Variants in ULK4 observed in about 807,000 individuals in gnomAD.
ULK4 encodes the protein inactive serine/threonine-protein kinase ULK4.
ULK4 carries 133 observed loss-of-function variants against 160.6 expected under a neutral mutation model. That is an observed-to-expected ratio of 0.83 (90% CI 0.72 to 0.96). ULK4 has a LOEUF of 0.96. ULK4 is among the 40% of genes least tolerant of loss of function. The pLI is 0.00. For missense variants in ULK4, 1,580 were observed against 1,499.5 expected (o/e 1.05, Z -0.89); for synonymous variants, 534 against 539.8 (o/e 0.99, Z 0.15).
At chr3:41,365,607 CA>C (rs1257352971) in intron 35 of ULK4, among the ~76,000 whole-genome samples, 1 of 152,102 alleles carries the variant, frequency 6.6e-6, no homozygotes, top group African/African-American at 2.4e-5. Context: ...GTAGAAATAT[CA>C]TTATGTCTAG....
intron 1 of ULK4, chr3:41,955,909 A>C (rs1418535256): frequency 1.3e-5 from 2 of 152,222 alleles, no homozygotes; most frequent in African/African-American, 2.4e-5. Context: ...TTACAATGGA[A>C]ACCTGGTACA....
intron 35 of ULK4, among the ~76,000 whole-genome samples, chr3:41,345,813 A>G (rs770657056): frequency 1.1e-4 from 17 of 152,308 alleles, no homozygotes; most frequent in Non-Finnish European, 2.2e-4. Flanking sequence ...AAATTAAAAA[A>G]TGTACAAAAC....
At chr3:41,711,040 G>A (rs972559806) in intron 25 of ULK4, among the ~76,000 whole-genome samples, 1 of 150,098 alleles carries the variant, frequency 6.7e-6, no homozygotes, top group Non-Finnish European at 1.5e-5. Context: ...ATGGGAGCAG[G>A]CAGCTGATGG....
At chr3:41,512,910 T>C (rs1026160498) in intron 32 of ULK4, among the ~76,000 whole-genome samples, 3 of 152,200 alleles carry the variant, frequency 2.0e-5, no homozygotes, top group Non-Finnish European at 4.4e-5. Flanking sequence ...AACAGCATGG[T>C]ACTAGTATAA....
intron 31 of ULK4, among the ~76,000 whole-genome samples, chr3:41,582,457 A>T (rs1217321171): frequency 6.6e-6 from 1 of 152,192 alleles, no homozygotes. Flanking sequence ...GTCATTATAA[A>T]TCAGAGATAT....
chr3:41,656,340 A>C (rs1022961317), intron 30 of ULK4, among the ~76,000 whole-genome samples: 5 of 152,140 alleles, frequency 3.3e-5, no homozygotes, highest in South Asian at 2.1e-4. Context: ...GGTACAGATA[A>C]ATGAAGTAAC....
chr3:41,748,007 C>T (rs1370283485), intron 22 of ULK4, among the ~76,000 whole-genome samples: 41 of 151,828 alleles, frequency 2.7e-4, no homozygotes, highest in Admixed American at 2.6e-3. Flanking sequence ...TAAGTTTATC[C>T]TAACATTTTT....
chr3:41,896,722 GT>G (rs1698171562), intron 15 of ULK4, 99 bp downstream of exon 15: 2 of 1,342,086 alleles, frequency 1.5e-6, no homozygotes, highest in African/African-American at 1.5e-5. Flanking sequence ...TGATAAATCA[GT>G]TTTTTTGTGG....
chr3:41,525,566 C>A (rs1042682907), intron 32 of ULK4, among the ~76,000 whole-genome samples: 1 of 152,166 alleles, frequency 6.6e-6, no homozygotes, highest in African/African-American at 2.4e-5. Context: ...CCTTTCCAGG[C>A]AGCTTTCACT....
chr3:41,551,157 A>C (rs2087049267), intron 32 of ULK4, among the ~76,000 whole-genome samples: 1 of 152,030 alleles, frequency 6.6e-6, no homozygotes, highest in Admixed American at 6.6e-5. Context: ...GGAAGTTTAT[A>C]GCAATAACAC....
chr3:41,465,646 G>A (rs1477995796), intron 32 of ULK4, among the ~76,000 whole-genome samples: 5 of 152,032 alleles, frequency 3.3e-5, no homozygotes. Context: ...TTTTCTCATG[G>A]AACTGTTCCT....
chr3:41,744,384 T>C (rs763758465), intron 22 of ULK4, among the ~76,000 whole-genome samples: 2 of 152,080 alleles, frequency 1.3e-5, no homozygotes, highest in South Asian at 4.1e-4. Flanking sequence ...AACATTAATT[T>C]AAAATAAAGG....
chr3:41,555,590 A>G (rs2087261477), intron 32 of ULK4, among the ~76,000 whole-genome samples: 1 of 152,256 alleles, frequency 6.6e-6, no homozygotes, highest in Admixed American at 6.5e-5. Context: ...AAATGAATTC[A>G]GCCATTGTGG....
intron 32 of ULK4, among the ~76,000 whole-genome samples, chr3:41,468,411 C>T (rs575205876): frequency 6.6e-5 from 10 of 152,032 alleles, no homozygotes; most frequent in East Asian, 5.8e-4. Flanking sequence ...GTAGGAATCA[C>T]GACAATGTAA....
At chr3:41,775,717 A>T (rs2125926795) in intron 21 of ULK4, among the ~76,000 whole-genome samples, 1 of 150,832 alleles carries the variant, frequency 6.6e-6, no homozygotes, top group South Asian at 2.1e-4. Context: ...CTCTTTTTTT[A>T]AACATTGAAA....
At chr3:41,300,994 G>C (rs1379156554) in intron 35 of ULK4, among the ~76,000 whole-genome samples, 1 of 151,238 alleles carries the variant, frequency 6.6e-6, no homozygotes, top group African/African-American at 2.4e-5. Flanking sequence ...TGTGTTAGGT[G>C]TGACTGAATT....
intron 21 of ULK4, among the ~76,000 whole-genome samples, chr3:41,754,892 G>A (rs2038746089): frequency 6.6e-6 from 1 of 152,112 alleles, no homozygotes; most frequent in South Asian, 2.1e-4. Flanking sequence ...TCTCTGAGAA[G>A]AGCTGCATAT....
Position 41,693,655 on chromosome 3 carries a change from T to C in ULK4, c.2781+11402A>G, listed in dbSNP as rs532668348. On this transcript the variant is annotated intron_variant, in intron 27 of 36. Coordinates refer to ENST00000301831, the MANE Select transcript of ULK4 (RefSeq NM_017886.4). Reference sequence around the variant, plus strand: ...ATTAAAAGGACAAACCAGAAAACAATGAAGCTGTTTATCTACAAGAGTAAT... The same window carrying C: ...ATTAAAAGGACAAACCAGAAAACAACGAAGCTGTTTATCTACAAGAGTAAT... Among the ~76,000 whole-genome samples, 4 of 152,106 alleles carry C rather than the reference T, an allele frequency of 2.6e-5. No homozygotes were observed. In the South Asian group the frequency reaches 8.3e-4, roughly 32 times the overall value.
chr3:41,417,164 T>G (rs17056882), intron 34 of ULK4, among the ~76,000 whole-genome samples: 4,478 of 152,250 alleles, frequency 0.029, 209 homozygotes, highest in African/African-American at 0.1. Flanking sequence ...AGTGAAGCAT[T>G]CTGTTCTGCA....
Sources: gnomAD v4.1 joint callset for allele counts (sites outside exome capture counted in the v4.1 genomes callset) on GRCh38, gnomAD v4.1.1 for gene constraint, MANE v1.5 for transcripts, NCBI Gene and HGNC (gene_info 2026-07-23, HGNC 2026-07-21) for gene names.